The following SYNE2 variants were observed in gnomAD, a reference collection of about 807,000 sequenced individuals.
SYNE2 encodes the protein spectrin repeat containing nuclear envelope protein 2.
Under a neutral mutation model 856.3 loss-of-function variants are expected in SYNE2, and 431 were observed. That is an observed-to-expected ratio of 0.50 (90% CI 0.47 to 0.55). The LOEUF (loss-of-function observed/expected upper bound fraction) is 0.55, where lower values mean the gene tolerates loss of function less well. SYNE2 is among the 20% of genes least tolerant of loss of function. The pLI is 0.00. For missense variants in SYNE2, 8,129 were observed against 8,023.2 expected, an observed-to-expected ratio of 1.01 and a Z score of -0.50; for synonymous variants, 2,923 against 2,872.3, an observed-to-expected ratio of 1.02 and a Z score of -0.56.
rs10137972 is a variant in SYNE2 at position 64,091,016 on chromosome 14, A to G, written c.11944A>G (p.Asn3982Asp). The change falls in exon 60 of 116, where the codon AAT becomes GAT. Residue 3982 changes from asparagine to aspartate, a missense_variant. Transcript: ENST00000555002. Reference sequence around the variant, plus strand: ...TTTACAAGATATAAAACTATTGGAAAATGTGACTCAAGAACAAAATGAGTT... The same window carrying G: ...TTTACAAGATATAAAACTATTGGAAGATGTGACTCAAGAACAAAATGAGTT... Reference protein sequence around the residue: ...QLLQDIKLLENVTQEQNELLK... With the variant: ...QLLQDIKLLEDVTQEQNELLK... The G allele has an allele frequency of 1.1e-3, 1,823 of 1,613,912 alleles. 6 individuals are homozygous for G. Among genetic ancestry groups the G allele is most frequent in the Admixed American group, 1.4e-3 (84 of 60,000 alleles).
chr14:63,877,698 G>A (rs2094758747), intron 1 of SYNE2, among the ~76,000 whole-genome samples: 1 of 152,164 alleles, frequency 6.6e-6, no homozygotes, highest in Admixed American at 6.5e-5. Flanking sequence ...TGGAGTTGGG[G>A]ATCAAAGCGG....
rs749179202 is a variant in SYNE2, at chr14:63,990,483, C to T, written c.2386C>T (p.Gln796Ter). 6.2e-7 allele frequency: 1 copy of T among 1,613,644 alleles called. No homozygotes were observed. Among genetic ancestry groups the T allele is most frequent in the African/African-American group, 1.3e-5 (1 of 75,002 alleles). The part of the protein sequence containing the change: ...RSEDMLQMDI[Q>*]NISSQESFQH... Reference sequence around the variant, plus strand: ...TGAAGATATGTTACAAATGGATATACAAAATATTTCAAGCCAGGAGTCCTT... The same window carrying T: ...TGAAGATATGTTACAAATGGATATATAAAATATTTCAAGCCAGGAGTCCTT... The change falls in exon 20 of 116, where the codon CAA (glutamine) becomes TAA (stop). Residue 796 changes from glutamine (Q) to a stop codon, truncating the protein, a stop_gained. Coordinates refer to ENST00000555002, the MANE Select transcript of SYNE2 (RefSeq NM_182914.3). LOFTEE classifies it high-confidence loss of function.
At chr14:63,779,439 C>A (rs372995169) in intron 1 of SYNE2, among the ~76,000 whole-genome samples, 155 of 118,132 alleles carry the variant, frequency 1.3e-3, no homozygotes, top group East Asian at 2.7e-3. Flanking sequence ...TGACTGGTCT[C>A]AAAAAAAAAA....
At chr14:64,021,192 C>T in intron 35 of SYNE2, 123 bp from the exon 36 acceptor site, 6 of 789,356 alleles carry the variant, frequency 7.6e-6, no homozygotes, top group South Asian at 7.4e-5. Flanking sequence ...AAACGTAGAG[C>T]AATGAAAAGA....
At chr14:64,056,662 C>T (rs1358348531) in intron 49 of SYNE2, among the ~76,000 whole-genome samples, 2 of 128,854 alleles carry the variant, frequency 1.6e-5, no homozygotes, top group Admixed American at 8.8e-5. Context: ...ATTTTCCTGA[C>T]TTTTGTTGTA....
In SYNE2 at chr14:63,992,659, G is replaced by T. The variant is rs372142786; in HGVS notation, c.2647-1176G>T. On this transcript the variant is annotated intron_variant, in intron 21 of 115. Transcript: ENST00000555002. ...CCTCTCCCTGACCTTCTTCCTTTTG[G>T]TTTTCCCCCATTTTGCCAATGGCAT... Among the ~76,000 whole-genome samples the T allele has an allele frequency of 5.3e-5, 8 of 152,144 alleles. No homozygotes were observed. In the East Asian group the frequency reaches 1.5e-3, roughly 29 times the overall value.
At chr14:63,875,256 G>A (rs191590950) in intron 1 of SYNE2, among the ~76,000 whole-genome samples, 19 of 152,148 alleles carry the variant, frequency 1.2e-4, no homozygotes, top group South Asian at 8.3e-4. Context: ...TATTTTAGCA[G>A]GATAATTTTT....
chr14:64,208,835 C>T lies in SYNE2; in HGVS notation c.18279C>T (p.Asp6093=), dbSNP rs755642180. The change falls in exon 101 of 116, where the codon GAC becomes GAT. Residue 6093 remains aspartate, a synonymous_variant. Coordinates refer to ENST00000555002, the MANE Select transcript of SYNE2 (RefSeq NM_182914.3). ...VFNICDVLLH[D]SDACANETEC... Reference sequence around the variant, plus strand: ...ACATCTGTGACGTCCTACTGCACGACTCCGATGCCTGTGCAAATGAGACCG... The same window carrying T: ...ACATCTGTGACGTCCTACTGCACGATTCCGATGCCTGTGCAAATGAGACCG... 1.2e-6 allele frequency: 2 copies of T among 1,614,246 alleles called. No homozygotes were observed. The highest frequency in any genetic ancestry group is 1.7e-6 in the Non-Finnish European group (2 of 1,180,048).
intron 89 of SYNE2, among the ~76,000 whole-genome samples, chr14:64,164,159 G>T (rs2098354783): frequency 6.6e-6 from 1 of 151,390 alleles, no homozygotes; most frequent in Non-Finnish European, 1.5e-5. Context: ...GCCCAGGCTG[G>T]AGTACAGTGG....
At chr14:64,216,527 C>T (rs1344364981) in intron 108 of SYNE2, 140 bp downstream of exon 108, 7 of 948,124 alleles carry the variant, frequency 7.4e-6, no homozygotes, top group Non-Finnish European at 1.2e-5. Context: ...GTGACAGTGT[C>T]TCTGTTGAGC....
intron 99 of SYNE2, among the ~76,000 whole-genome samples, chr14:64,193,990 G>A (rs2098529647): frequency 6.6e-6 from 1 of 152,196 alleles, no homozygotes; most frequent in East Asian, 1.9e-4. Flanking sequence ...TTGGGCCCTG[G>A]TGTGGGTATA....
At chr14:64,185,665 C>A (rs186845665) in intron 96 of SYNE2, among the ~76,000 whole-genome samples, 1 of 151,878 alleles carries the variant, frequency 6.6e-6, no homozygotes, top group Admixed American at 6.6e-5. Context: ...GGATTACAGG[C>A]GCGCGCCACC....
chr14:64,154,056 C>CAT (rs1595876228), intron 85 of SYNE2, among the ~76,000 whole-genome samples: 1 of 151,776 alleles, frequency 6.6e-6, no homozygotes, highest in East Asian at 1.9e-4. Context: ...GCAGGCCAGA[C>CAT]ATGGTGGCTT....
chr14:64,213,958 T>C (rs1567665284), intron 105 of SYNE2, among the ~76,000 whole-genome samples: 3 of 152,202 alleles, frequency 2.0e-5, no homozygotes, highest in Non-Finnish European at 4.4e-5. Context: ...AGCTTTTTTT[T>C]CCTAAGAAAA....
At chr14:64,150,999 TGA>T (rs895230292) in intron 84 of SYNE2, among the ~76,000 whole-genome samples, 1 of 152,146 alleles carries the variant, frequency 6.6e-6, no homozygotes, top group Non-Finnish European at 1.5e-5. Context: ...GTTACGACAG[TGA>T]GAGGTTTTCT....
At chr14:64,224,769 T>G (rs1044703892) in intron 114 of SYNE2, among the ~76,000 whole-genome samples, 2 of 152,120 alleles carry the variant, frequency 1.3e-5, no homozygotes, top group Non-Finnish European at 2.9e-5. Context: ...GGTTCCCTGA[T>G]TTTGCCATTA....
At chr14:63,860,292 ACAGGTTCTG>A (rs1224558850) in intron 1 of SYNE2, among the ~76,000 whole-genome samples, 3 of 150,876 alleles carry the variant, frequency 2.0e-5, no homozygotes, top group Admixed American at 1.3e-4. Context: ...TCCCCTCCAG[ACAGGTTCTG>A]CAGGGTGCAC....
intron 1 of SYNE2, among the ~76,000 whole-genome samples, chr14:63,776,845 C>T (rs1248754119): frequency 1.3e-5 from 2 of 152,144 alleles, no homozygotes; most frequent in Non-Finnish European, 2.9e-5. Context: ...AAGTGATCCG[C>T]CCACCTTGGC....
At chr14:63,991,966 T>C (rs540861162) in intron 21 of SYNE2, among the ~76,000 whole-genome samples, 1 of 152,258 alleles carries the variant, frequency 6.6e-6, no homozygotes, top group African/African-American at 2.4e-5. Context: ...CAACCCTGTT[T>C]TGGCCTACTG....
Sources: gnomAD v4.1 joint callset for allele counts (sites outside exome capture counted in the v4.1 genomes callset) on GRCh38, gnomAD v4.1.1 for gene constraint, MANE v1.5 for transcripts, NCBI Gene and HGNC (gene_info 2026-07-23, HGNC 2026-07-21) for gene names.